IQGAP1: variants seen among roughly 807,000 people sequenced by gnomAD.
The protein encoded by IQGAP1 is ras GTPase-activating-like protein IQGAP1.
In IQGAP1, 66 loss-of-function variants were observed where a neutral mutation model predicts 215.6. The observed-to-expected ratio is 0.31, with a 90% confidence interval of 0.25 to 0.38. The LOEUF (loss-of-function observed/expected upper bound fraction) is 0.38, where lower values mean the gene tolerates loss of function less well. IQGAP1 is among the 10% of genes least tolerant of loss of function. IQGAP1 has a pLI of 1.00. For missense variants in IQGAP1, 1,712 were observed against 1,997.1 expected, an observed-to-expected ratio of 0.86 and a Z score of 2.72; for synonymous variants, 772 against 728.7, an observed-to-expected ratio of 1.06 and a Z score of -0.96.
intron 2 of IQGAP1, among the ~76,000 whole-genome samples, chr15:90,400,933 G>A (rs1964795626): frequency 6.6e-6 from 1 of 152,208 alleles, no homozygotes; most frequent in Admixed American, 6.5e-5. Context: ...TGTGGTATCT[G>A]ATGGACTCTT....
At chr15:90,445,293 T>A (rs1965511903) in intron 9 of IQGAP1, among the ~76,000 whole-genome samples, 1 of 152,074 alleles carries the variant, frequency 6.6e-6, no homozygotes, top group African/African-American at 2.4e-5. Context: ...GCCTGCTATT[T>A]AGTAAGTACT....
At chr15:90,444,858 C>A (rs780720204) in intron 9 of IQGAP1, among the ~76,000 whole-genome samples, 2 of 152,194 alleles carry the variant, frequency 1.3e-5, no homozygotes, top group African/African-American at 4.8e-5. Context: ...TAAAAGGAAT[C>A]TGGGCCAGGC....
rs961573064 is a variant in IQGAP1, at chr15:90,500,854, G to T, written c.*746G>T. ...AAATTCAGAATGGGTCAAGGCACCTGCCTGTTTTTGTTGGTGCACAGAGAT... is the reference window on the plus strand; with the variant it reads ...AAATTCAGAATGGGTCAAGGCACCTTCCTGTTTTTGTTGGTGCACAGAGAT... On this transcript the variant is annotated 3_prime_UTR_variant, in exon 38 of 38. Transcript: ENST00000268182. The T allele has an allele frequency of 6.6e-6, 1 of 152,626 alleles. No homozygotes were observed. The highest frequency in any genetic ancestry group is 2.4e-5 in the African/African-American group (1 of 41,456). The allele number at this position is 152,626 out of a possible 1,614,324, so 9.5% of individuals were successfully genotyped here.
chr15:90,483,480 G>A lies in IQGAP1; in HGVS notation c.3675G>A (p.Leu1225=), dbSNP rs765560332. Residue 1225 remains leucine (L), a synonymous_variant, in exon 29 of 38, where the codon CTG becomes CTA. Coordinates refer to ENST00000268182, the MANE Select transcript of IQGAP1 (RefSeq NM_003870.4). ...GQLTTDQRRN[L]GSIAKMLQHA... ...TTACCACAGACCAACGCCGAAATCT[G>A]GGCTCCATTGCAAAAATGCTTCAGC... 6.2e-7 allele frequency: 1 copy of A among 1,614,138 alleles called. No homozygotes were observed. The highest frequency in any genetic ancestry group is 8.5e-7 in the Non-Finnish European group (1 of 1,180,022).
At chr15:90,402,013 A>G (rs977234663) in intron 2 of IQGAP1, among the ~76,000 whole-genome samples, 1 of 152,216 alleles carries the variant, frequency 6.6e-6, no homozygotes, top group Non-Finnish European at 1.5e-5. Flanking sequence ...TAACTTCTGC[A>G]GATGCTGAAG....
intron 2 of IQGAP1, among the ~76,000 whole-genome samples, chr15:90,411,083 C>G (rs1033212798): frequency 2.6e-5 from 4 of 151,964 alleles, no homozygotes; most frequent in African/African-American, 9.7e-5. Flanking sequence ...GAAGTATTGA[C>G]CTGTGTAAAA....
At chr15:90,403,469 A>T (rs1481667932) in intron 2 of IQGAP1, among the ~76,000 whole-genome samples, 1 of 152,192 alleles carries the variant, frequency 6.6e-6, no homozygotes, top group African/African-American at 2.4e-5. Flanking sequence ...CACAGACGTG[A>T]TACATAATTC....
intron 5 of IQGAP1, among the ~76,000 whole-genome samples, chr15:90,434,143 A>G (rs894859603): frequency 1.3e-5 from 2 of 152,160 alleles, no homozygotes; most frequent in Admixed American, 6.5e-5. Context: ...CATTCATTCA[A>G]TAATTTTTAT....
chr15:90,434,948 G>C (rs1965350371), intron 5 of IQGAP1, among the ~76,000 whole-genome samples: 1 of 152,182 alleles, frequency 6.6e-6, no homozygotes, highest in African/African-American at 2.4e-5. Context: ...ACATGAGTGA[G>C]ATATTTGCTT....
intron 18 of IQGAP1, 78 bp from the exon 19 acceptor site, chr15:90,472,762 G>A (rs1375292026): frequency 1.3e-5 from 17 of 1,343,498 alleles, no homozygotes; most frequent in Non-Finnish European, 1.8e-5. Flanking sequence ...TAGCTTGTGT[G>A]CTGTGGATGA....
intron 15 of IQGAP1, among the ~76,000 whole-genome samples, chr15:90,461,859 G>A (rs1278409987): frequency 2.0e-5 from 3 of 152,004 alleles, no homozygotes; most frequent in African/African-American, 7.3e-5. Context: ...ACTTAAATCG[G>A]CTGGGTGCGG....
At chr15:90,405,457 A>T (rs1482734493) in intron 2 of IQGAP1, among the ~76,000 whole-genome samples, 1 of 152,236 alleles carries the variant, frequency 6.6e-6, no homozygotes, top group Non-Finnish European at 1.5e-5. Flanking sequence ...TTGCCAAACT[A>T]ACATAATTTA....
At chr15:90,403,943 G>A (rs1047628028) in intron 2 of IQGAP1, among the ~76,000 whole-genome samples, 2 of 152,146 alleles carry the variant, frequency 1.3e-5, no homozygotes, top group Non-Finnish European at 2.9e-5. Context: ...CCTAAGTGTT[G>A]GGCTTACAGA....
chr15:90,388,519 A>C, intron 1 of IQGAP1, 123 bp downstream of exon 1: 2 of 835,306 alleles, frequency 2.4e-6, no homozygotes, highest in Non-Finnish European at 3.3e-6. Context: ...CGGACCCGGA[A>C]GAGCCGTCCC....
Position 90,467,606 on chromosome 15 carries a change from C to T in IQGAP1, c.2178+14C>T. ...GAGGAGATCCAGGTAGGTTACCTTT[C>T]TTCACGTAAGAAGAAGCTGAGAGAA... On this transcript the variant is annotated intron_variant, in intron 18 of 37. Coordinates refer to ENST00000268182, the MANE Select transcript of IQGAP1 (RefSeq NM_003870.4). 6.3e-7 allele frequency: 1 copy of T among 1,599,098 alleles called. No homozygotes were observed. Among genetic ancestry groups the T allele is most frequent in the Non-Finnish European group, 8.5e-7 (1 of 1,175,156 alleles).
At position 90,388,383 on chromosome 15, in the gene IQGAP1, G is replaced by A. The variant is rs763569374; in HGVS notation, c.42G>A (p.Arg14=). 1.3e-6 allele frequency: 2 copies of A among 1,589,994 alleles called. No individual in the cohort carries two copies. The highest frequency in any genetic ancestry group is 1.1e-5 in the South Asian group (1 of 89,878). The change falls in exon 1 of 38, where the codon CGG becomes CGA. Residue 14 remains arginine (R), a synonymous_variant. Transcript: ENST00000268182. ...ADEVDGLGVA[R]PHYGSVLDNE... Reference sequence around the variant, plus strand: ...AGGTTGACGGGCTGGGCGTGGCCCGGCCGCACTATGGCTGTGAGTGCGGGG... The same window carrying A: ...AGGTTGACGGGCTGGGCGTGGCCCGACCGCACTATGGCTGTGAGTGCGGGG...
chr15:90,445,151 T>A (rs1033029387), intron 9 of IQGAP1, among the ~76,000 whole-genome samples: 52 of 150,574 alleles, frequency 3.5e-4, no homozygotes, highest in African/African-American at 3.7e-4. Flanking sequence ...TTTTTTTTTT[T>A]AAAAAAGAAT....
At chr15:90,456,106 A>C in intron 14 of IQGAP1, 46 bp from the exon 15 acceptor site, 1 of 1,521,962 alleles carries the variant, frequency 6.6e-7, no homozygotes, top group Non-Finnish European at 9.0e-7. Context: ...TTGTTTATGT[A>C]CTTCCTTAAT....
chr15:90,489,862 C>T (rs1292176264), intron 33 of IQGAP1, among the ~76,000 whole-genome samples: 1 of 152,190 alleles, frequency 6.6e-6, no homozygotes, highest in Non-Finnish European at 1.5e-5. Context: ...CACCTCTGTT[C>T]TTTAATTTAA....
Sources: allele counts gnomAD v4.1 joint callset (sites outside exome capture counted in the v4.1 genomes callset), GRCh38; gene constraint gnomAD v4.1.1; transcripts MANE v1.5; gene names NCBI Gene and HGNC (gene_info 2026-07-23, HGNC 2026-07-21).